CDH13: variants seen among roughly 807,000 people sequenced by gnomAD.
CDH13 encodes cadherin-13.
Under a neutral mutation model 63.8 loss-of-function variants are expected in CDH13, and 24 were observed. The ratio of observed to expected loss-of-function variants is 0.38; its 90% CI spans 0.27 to 0.53. The LOEUF is 0.53. Among genes scored for constraint, CDH13 ranks in the 20% least tolerant of loss-of-function variants. The pLI is 0.85. For synonymous variants in CDH13, 503 were observed against 355.3 expected (o/e 1.42, Z -4.67); for missense variants, 1,049 against 903.1 (o/e 1.16, Z -2.07).
intron 3 of CDH13, among the ~76,000 whole-genome samples, chr16:83,099,174 A>G (rs1033829956): frequency 3.3e-5 from 5 of 152,162 alleles, no homozygotes; most frequent in Non-Finnish European, 5.9e-5. Context: ...AATATGTTGC[A>G]TATATTAGAA....
chr16:82,950,289 C>T (rs1905157899), intron 2 of CDH13, among the ~76,000 whole-genome samples: 1 of 152,118 alleles, frequency 6.6e-6, no homozygotes, highest in Admixed American at 6.6e-5. Flanking sequence ...GCATGCCAGT[C>T]TCCCTGTGTC....
chr16:82,682,502 A>G (rs1914654918), intron 1 of CDH13, among the ~76,000 whole-genome samples: 2 of 152,256 alleles, frequency 1.3e-5, no homozygotes, highest in Admixed American at 1.3e-4. Flanking sequence ...TTACATGTAT[A>G]CATTTACTTT....
intron 4 of CDH13, among the ~76,000 whole-genome samples, chr16:83,155,103 T>A (rs1038475575): frequency 1.3e-5 from 2 of 152,246 alleles, no homozygotes; most frequent in Non-Finnish European, 2.9e-5. Context: ...ATTTATTTCA[T>A]TTACTATTAG....
intron 1 of CDH13, among the ~76,000 whole-genome samples, chr16:82,780,043 G>C (rs536578253): frequency 6.6e-6 from 1 of 152,106 alleles, no homozygotes; most frequent in African/African-American, 2.4e-5. Flanking sequence ...CAGGTACACA[G>C]GTGATTTCGC....
chr16:83,204,252 G>T (rs2039117189), intron 4 of CDH13, among the ~76,000 whole-genome samples: 1 of 152,156 alleles, frequency 6.6e-6, no homozygotes. Flanking sequence ...ATGGGCTCTG[G>T]GGGATTTGGT....
At chr16:83,081,136 C>A (rs1189622875) in intron 3 of CDH13, among the ~76,000 whole-genome samples, 1 of 151,980 alleles carries the variant, frequency 6.6e-6, no homozygotes, top group Non-Finnish European at 1.5e-5. Flanking sequence ...CCACCTCAGC[C>A]TCCCAAAATG....
intron 3 of CDH13, among the ~76,000 whole-genome samples, chr16:83,075,716 A>G (rs1364320447): frequency 2.6e-5 from 4 of 152,330 alleles, no homozygotes; most frequent in Middle Eastern, 6.8e-3. Flanking sequence ...GAGTTTTCCA[A>G]TAGAGACATA....
chr16:83,296,343 T>A (rs1037744218), intron 5 of CDH13, among the ~76,000 whole-genome samples: 1 of 152,060 alleles, frequency 6.6e-6, no homozygotes, highest in Non-Finnish European at 1.5e-5. Flanking sequence ...AGTAGCAGAG[T>A]CGGATGATGC....
At chr16:83,410,068 G>C (rs1372689447) in intron 6 of CDH13, among the ~76,000 whole-genome samples, 1 of 152,146 alleles carries the variant, frequency 6.6e-6, no homozygotes, top group Non-Finnish European at 1.5e-5. Context: ...GTCCCTGAGA[G>C]TTCGGGTCCC....
At chr16:83,032,768 G>A (rs1916486812) in intron 3 of CDH13, among the ~76,000 whole-genome samples, 1 of 152,146 alleles carries the variant, frequency 6.6e-6, no homozygotes, top group Admixed American at 6.5e-5. Flanking sequence ...TTCTTTTCCT[G>A]AAGCCAGGGC....
chr16:82,651,077 G>T (rs1296132901), intron 1 of CDH13, among the ~76,000 whole-genome samples: 4 of 152,162 alleles, frequency 2.6e-5, no homozygotes, highest in Non-Finnish European at 5.9e-5. Flanking sequence ...AGAACCCTGA[G>T]AAAGACTATC....
intron 2 of CDH13, among the ~76,000 whole-genome samples, chr16:82,975,517 C>A (rs1210572362): frequency 6.6e-6 from 1 of 152,208 alleles, no homozygotes; most frequent in African/African-American, 2.4e-5. Flanking sequence ...ATAGGACTGC[C>A]ATGTGGCTTA....
chr16:83,269,228 C>A (rs2088720960), intron 5 of CDH13, among the ~76,000 whole-genome samples: 3 of 152,180 alleles, frequency 2.0e-5, no homozygotes. Context: ...GCAGAGAACT[C>A]ACCAGATGAC....
chr16:83,321,718 C>T (rs906466500), intron 5 of CDH13, among the ~76,000 whole-genome samples: 4 of 151,886 alleles, frequency 2.6e-5, no homozygotes, highest in African/African-American at 9.7e-5. Flanking sequence ...TTAGTAGAGA[C>T]AGGGTTTCAT....
At chr16:83,540,246 C>T (rs1008481891) in intron 7 of CDH13, among the ~76,000 whole-genome samples, 2 of 151,952 alleles carry the variant, frequency 1.3e-5, no homozygotes, top group South Asian at 2.1e-4. Flanking sequence ...CAGTATACCA[C>T]TGGAGGCTAT....
chr16:83,367,713 G>A (rs1036501491), intron 6 of CDH13, among the ~76,000 whole-genome samples: 10 of 152,142 alleles, frequency 6.6e-5, no homozygotes, highest in African/African-American at 2.2e-4. Context: ...TCTCATTGTG[G>A]TTTTGATCTG....
At chr16:83,188,268 C>T (rs1369829104) in intron 4 of CDH13, among the ~76,000 whole-genome samples, 1 of 152,160 alleles carries the variant, frequency 6.6e-6, no homozygotes, top group Non-Finnish European at 1.5e-5. Context: ...GCTGCAATCA[C>T]TCAGGCTCTA....
At position 83,184,977 on chromosome 16, in the gene CDH13, G is replaced by A. The variant is rs1276262257; in HGVS notation, c.484-32368G>A. Among the ~76,000 whole-genome samples the A allele has an allele frequency of 3.3e-5, 5 of 151,788 alleles. No individual in the cohort carries two copies. The East Asian group carries it at 9.6e-4, about 29-fold the overall frequency. ...TGATTTTTTAAATACACACTTATAA[G>A]TGTACATGTGTGGTGTGTGGGTATA... On this transcript the variant is annotated intron_variant, in intron 4 of 13. Coordinates refer to ENST00000567109, the MANE Select transcript of CDH13 (RefSeq NM_001257.5).
chr16:82,776,807 A>G (rs1032107824), intron 1 of CDH13, among the ~76,000 whole-genome samples: 2 of 152,186 alleles, frequency 1.3e-5, no homozygotes, highest in Non-Finnish European at 2.9e-5. Context: ...GGGAGCTTCC[A>G]CTTCAACCTG....
Sources: allele counts gnomAD v4.1 joint callset (sites outside exome capture counted in the v4.1 genomes callset), GRCh38; gene constraint gnomAD v4.1.1; transcripts MANE v1.5; gene names NCBI Gene and HGNC (gene_info 2026-07-23, HGNC 2026-07-21).